FAM161B: variants seen among roughly 807,000 people sequenced by gnomAD.
FAM161B encodes the protein protein FAM161B.
FAM161B carries 46 observed loss-of-function variants against 61.5 expected under a neutral mutation model. The ratio of observed to expected loss-of-function variants is 0.75; its 90% CI spans 0.59 to 0.96. The LOEUF (loss-of-function observed/expected upper bound fraction) is 0.96. Among genes scored for constraint, FAM161B ranks in the 40% least tolerant of loss-of-function variants. The probability of loss-of-function intolerance (pLI) is 0.00; values close to 1 mark genes in which losing one functional copy is unlikely to be tolerated. For missense variants in FAM161B, 774 were observed against 800.7 expected (o/e 0.97, Z 0.40); for synonymous variants, 284 against 302.7 (o/e 0.94, Z 0.64).
rs762672371 is a variant in FAM161B at position 73,949,993 on chromosome 14, C to T, written c.34G>A (p.Gly12Ser). The change falls in exon 1 of 9, where the codon GGC (glycine) becomes AGC (serine). Residue 12 changes from glycine to serine, a missense_variant. Coordinates refer to ENST00000286544, the MANE Select transcript of FAM161B (RefSeq NM_152445.3). ...CTCACCTGACGGCTCCCCTCCGCGC[C>T]TCCGGGGGCTCCCTCAGGCCTCCCC... ...TVGRPEGAPG[G>S]AEGSRQIFPP... The T allele has an allele frequency of 7.9e-5, 128 of 1,613,328 alleles. No individual in the cohort carries two copies. Among genetic ancestry groups the T allele is most frequent in the Non-Finnish European group, 1.0e-4 (118 of 1,180,036 alleles).
the FAM161B span, among the ~76,000 whole-genome samples, chr14:73,925,759 C>T: frequency 6.6e-6 from 1 of 152,278 alleles, no homozygotes; most frequent in African/African-American, 2.4e-5. Flanking sequence ...ATGCCATGCT[C>T]AGTGGCCCAT....
At chr14:73,945,035 T>C in intron 2 of FAM161B, 150 bp from the exon 3 acceptor site, 1 of 537,888 alleles carries the variant, frequency 1.9e-6, no homozygotes. Context: ...GTCCATGACC[T>C]TCCCACAGAC....
At position 73,933,250 on chromosome 14, in the gene FAM161B, T is replaced by C. The variant is rs2055940709; in HGVS notation, c.*1006A>G. 1 of 152,200 alleles carries C rather than the reference T, an allele frequency of 6.6e-6. No individual in the cohort carries two copies. The highest frequency in any genetic ancestry group is 2.4e-5 in the African/African-American group (1 of 41,438). 9.4% of individuals were successfully genotyped at this position (152,200 alleles called of 1,614,324 possible). ...TTTTGCCCCCTGGGGATATGCAATA[T>C]CTGGAGACATTTTTGGTTGTCACAG... On this transcript the variant is annotated 3_prime_UTR_variant, in exon 9 of 9. Coordinates refer to ENST00000286544, the MANE Select transcript of FAM161B (RefSeq NM_152445.3).
Position 73,937,681 on chromosome 14 carries a change from G to T in FAM161B, c.1586C>A (p.Ala529Glu), listed in dbSNP as rs150485088. 6.2e-7 allele frequency: 1 copy of T among 1,613,836 alleles called. No homozygotes were observed. Among genetic ancestry groups the T allele is most frequent in the Non-Finnish European group, 8.5e-7 (1 of 1,179,982 alleles). The change falls in exon 7 of 9, where the codon GCG (alanine) becomes GAG (glutamate). Residue 529 changes from alanine to glutamate, a missense_variant. Physicochemically the swap from Ala to Glu is moderately radical, Grantham distance 107. Coordinates refer to ENST00000286544, the MANE Select transcript of FAM161B (RefSeq NM_152445.3). ...KENRNNDRKR[A>E]KEYKKELEEM... ...CTCCAGTTCTTTCTTATATTCTTTC[G>T]CTCTTTTACGGTCATTGTTCCTGGA...
At position 73,934,355 on chromosome 14, in the gene FAM161B, C is replaced by T. The variant is rs748435641; in HGVS notation, c.1845G>A (p.Glu615=). The T allele has an allele frequency of 1.2e-6, 2 of 1,613,800 alleles. No individual in the cohort carries two copies. The highest frequency in any genetic ancestry group is 1.1e-5 in the South Asian group (1 of 91,030). ...GTTCTAGAGATCCTTCTAAACCCTG[C>T]TCTGGATCTCTGATGCTGAGTTTTG... ...ETTKLSIRDP[E]QGLEGSLEQP... is the part of the protein sequence containing the mutation. Residue 615 remains glutamate (E), a synonymous_variant, in exon 9 of 9, where the codon GAG becomes GAA. Transcript: ENST00000286544.
At position 73,936,206 on chromosome 14, in the gene FAM161B, T is replaced by C. The variant is rs1017432976; in HGVS notation, c.1666-118A>G. On this transcript the variant is annotated intron_variant, in intron 7 of 8. Coordinates refer to ENST00000286544, the MANE Select transcript of FAM161B (RefSeq NM_152445.3). ...CCACCACCACCCTTATTGTGGGGCA[T>C]AGATTTGCAAGAAAATTATTTAACC... 14 of 1,175,156 alleles carry C rather than the reference T, an allele frequency of 1.2e-5. No homozygotes were observed. In the African/African-American group the frequency reaches 1.8e-4, roughly 15 times the overall value. The allele number at this position is 1,175,156 out of a possible 1,614,324, so 72.8% of individuals were successfully genotyped here. A position where few individuals can be genotyped will look rare whatever the true frequency, so the allele number is the denominator to read the frequency against.
chr14:73,924,736 G>A, the FAM161B span: 1 of 435,814 alleles, frequency 2.3e-6, no homozygotes, highest in Non-Finnish European at 4.5e-6. Flanking sequence ...GAGTGCAGTG[G>A]TGCGTTCTCG....
chr14:73,924,177 C>T, the FAM161B span, among the ~76,000 whole-genome samples: 11 of 152,298 alleles, frequency 7.2e-5, no homozygotes, highest in Admixed American at 2.6e-4. Context: ...GGACCGGTTT[C>T]GTTTCACCTC....
At chr14:73,924,813 A>G in the FAM161B span, 3 of 362,350 alleles carry the variant, frequency 8.3e-6, no homozygotes, top group South Asian at 6.2e-5. Flanking sequence ...AGTAGCTGCT[A>G]CTACAGGTGC....
rs931544113 is a variant in FAM161B, at chr14:73,944,218, G to A, written c.925+117C>T. ...CTGCACTAAGCGTGCAGCCTCTAGT[G>A]GGTCCACCCAAGCAGCAAATCTCCA... On this transcript the variant is annotated intron_variant, in intron 3 of 8. Transcript: ENST00000286544. 10 of 1,476,306 alleles carry A rather than the reference G, an allele frequency of 6.8e-6. No homozygotes were observed. In the African/African-American group the frequency reaches 1.1e-4, roughly 17 times the overall value. 91.5% of individuals were successfully genotyped at this position (1,476,306 alleles called of 1,614,324 possible). A position where few individuals can be genotyped will look rare whatever the true frequency, so the allele number is the denominator to read the frequency against.
intron 7 of FAM161B, among the ~76,000 whole-genome samples, 180 bp downstream of exon 7, chr14:73,937,421 GA>G (rs776170906): frequency 1.3e-4 from 20 of 152,308 alleles, no homozygotes; most frequent in Non-Finnish European, 2.6e-4. Context: ...ACTCTTGGAT[GA>G]AATCAACACA....
At chr14:73,934,722 C>T (rs1395810857) in intron 8 of FAM161B, among the ~76,000 whole-genome samples, 2 of 151,930 alleles carry the variant, frequency 1.3e-5, no homozygotes, top group Non-Finnish European at 2.9e-5. Flanking sequence ...GCTGGGATTA[C>T]AGGCGTGAGC....
the FAM161B span, chr14:73,923,635 A>G: frequency 4.0e-5 from 56 of 1,389,254 alleles, no homozygotes; most frequent in Non-Finnish European, 1.5e-5. Context: ...TTTGGCACGA[A>G]TATTTTCCTT....
Position 73,941,160 on chromosome 14 carries a change from C to A in FAM161B, c.1273-107G>T, listed in dbSNP as rs182302869. The A allele has an allele frequency of 7.2e-4, 974 of 1,345,976 alleles. 10 individuals carry two copies. In the African/African-American group the frequency reaches 0.014, roughly 19 times the overall value. The allele number at this position is 1,345,976 out of a possible 1,614,324, so 83.4% of individuals were successfully genotyped here. Reference sequence around the variant, plus strand: ...CAGAGTCTCGTCTCGCTCTTTTGCCCAGGCTGGAGTGCAGTGGCGCAATCT... The same window carrying A: ...CAGAGTCTCGTCTCGCTCTTTTGCCAAGGCTGGAGTGCAGTGGCGCAATCT... On this transcript the variant is annotated intron_variant, in intron 4 of 8. Coordinates refer to ENST00000286544, the MANE Select transcript of FAM161B (RefSeq NM_152445.3).
intron 3 of FAM161B, 22 bp from the exon 4 acceptor site, chr14:73,942,737 G>C: frequency 1.3e-6 from 2 of 1,596,956 alleles, no homozygotes; most frequent in Non-Finnish European, 1.7e-6. Flanking sequence ...GGATGGTGAT[G>C]GGTAAGAAAG....
the FAM161B span, among the ~76,000 whole-genome samples, chr14:73,924,251 A>C: frequency 2.0e-5 from 3 of 152,128 alleles, no homozygotes; most frequent in African/African-American, 7.2e-5. Context: ...TACACAGTTC[A>C]CAATAGGGTT....
At position 73,942,731 on chromosome 14, in the gene FAM161B, G is replaced by A. The variant is rs1346995258; in HGVS notation, c.926-16C>T. 6.2e-7 allele frequency: 1 copy of A among 1,604,128 alleles called. No homozygotes were observed. Among genetic ancestry groups the A allele is most frequent in the Non-Finnish European group, 8.5e-7 (1 of 1,173,428 alleles). ...AGCTCAGCTTCTGTGGAGAAAGGAT[G>A]GTGATGGGTAAGAAAGGACCAAGCA... On this transcript the variant is annotated splice_polypyrimidine_tract_variant and intron_variant, in intron 3 of 8. Coordinates refer to ENST00000286544, the MANE Select transcript of FAM161B (RefSeq NM_152445.3).
intron 4 of FAM161B, 84 bp downstream of exon 4, chr14:73,942,285 G>A: frequency 3.6e-6 from 5 of 1,373,486 alleles, no homozygotes; most frequent in Non-Finnish European, 5.0e-6. Flanking sequence ...AAACCTTGTT[G>A]AGAAGTGCTT....
chr14:73,930,771 A>T (rs1443798050), downstream of FAM161B, among the ~76,000 whole-genome samples: 1 of 151,934 alleles, frequency 6.6e-6, no homozygotes. Flanking sequence ...CTTAATTTTT[A>T]AAATTTTCTT....
Sources: gnomAD v4.1 joint callset for allele counts (sites outside exome capture counted in the v4.1 genomes callset) on GRCh38, gnomAD v4.1.1 for gene constraint, MANE v1.5 for transcripts, NCBI Gene and HGNC (gene_info 2026-07-23, HGNC 2026-07-21) for gene names.